NOS1: variants seen among roughly 807,000 people sequenced by gnomAD.
NOS1 encodes nitric oxide synthase 1, also known as NOS type I.
NOS1 carries 51 observed loss-of-function variants against 164.5 expected under a neutral mutation model. The observed-to-expected ratio is 0.31, with a 90% confidence interval of 0.25 to 0.39. The LOEUF (loss-of-function observed/expected upper bound fraction) is 0.39, where lower values mean the gene tolerates loss of function less well. Among genes scored for constraint, NOS1 ranks in the 10% least tolerant of loss-of-function variants. The pLI is 1.00. For missense variants in NOS1, 1,362 were observed against 1,885.6 expected, an observed-to-expected ratio of 0.72 and a Z score of 5.14; for synonymous variants, 719 against 745.8, an observed-to-expected ratio of 0.96 and a Z score of 0.59.
intron 20 of NOS1, among the ~76,000 whole-genome samples, chr12:117,238,644 G>A (rs1344369977): frequency 6.6e-6 from 1 of 152,014 alleles, no homozygotes; most frequent in Non-Finnish European, 1.5e-5. Context: ...AGCTTCCTGA[G>A]TAGCTGAGAT....
intron 3 of NOS1, among the ~76,000 whole-genome samples, chr12:117,301,409 A>C (rs1873806207): frequency 6.6e-6 from 1 of 152,188 alleles, no homozygotes. Flanking sequence ...GATTACAGGC[A>C]TGAGCTACAC....
At chr12:117,224,983 T>C (rs1227920178) in intron 25 of NOS1, 33 bp downstream of exon 25, 3 of 1,613,636 alleles carry the variant, frequency 1.9e-6, no homozygotes, top group African/African-American at 1.3e-5. Context: ...GGTCCGGGGG[T>C]GGGAACCAAG....
chr12:117,264,089 G>C, intron 12 of NOS1, 115 bp from the exon 13 acceptor site: 1 of 613,882 alleles, frequency 1.6e-6, no homozygotes, highest in South Asian at 1.9e-5. Flanking sequence ...GGCCTCTGAA[G>C]GGAAGAATTC....
chr12:117,256,385 T>A, intron 16 of NOS1, among the ~76,000 whole-genome samples: 1 of 149,332 alleles, frequency 6.7e-6, no homozygotes, highest in Non-Finnish European at 1.5e-5. Flanking sequence ...CTCAAGTGAT[T>A]CTCCTGCCTC....
chr12:117,334,510 C>T (rs1335543049), intron 1 of NOS1, among the ~76,000 whole-genome samples: 1 of 152,150 alleles, frequency 6.6e-6, no homozygotes, highest in Non-Finnish European at 1.5e-5. Flanking sequence ...AATTCTCTAG[C>T]CTCAGCCTCC....
intron 2 of NOS1, among the ~76,000 whole-genome samples, chr12:117,312,923 C>A (rs1874504826): frequency 6.6e-6 from 1 of 152,160 alleles, no homozygotes; most frequent in Non-Finnish European, 1.5e-5. Context: ...CCACAATCAT[C>A]ACCATAGCCA....
chr12:117,239,638 G>A (rs1382920396), intron 20 of NOS1, among the ~76,000 whole-genome samples: 2 of 152,078 alleles, frequency 1.3e-5, no homozygotes, highest in African/African-American at 4.8e-5. Context: ...GGGCCAGACA[G>A]CCCAACTTCA....
At chr12:117,309,398 CTCA>C in intron 3 of NOS1, 1 of 985,322 alleles carries the variant, frequency 1.0e-6, no homozygotes, top group Non-Finnish European at 1.2e-6. Context: ...TCTAGAATGT[CTCA>C]TCCTCCCCGC....
At chr12:117,241,798 C>T (rs375564853) in intron 20 of NOS1, among the ~76,000 whole-genome samples, 3 of 152,200 alleles carry the variant, frequency 2.0e-5, no homozygotes, top group South Asian at 4.1e-4. Flanking sequence ...AGCATTAGCG[C>T]GTCCTGTTCA....
In NOS1 at chr12:117,214,878, A is replaced by C; in HGVS notation, c.*431T>G. ...ACACACACACACACAGGCACGCACA[A>C]CCAAAATGTCATCATAAAAAAGGAG... On this transcript the variant is annotated 3_prime_UTR_variant, in exon 29 of 29. Coordinates refer to ENST00000317775, the MANE Select transcript of NOS1 (RefSeq NM_000620.5). 1 of 973,402 alleles carries C rather than the reference A, an allele frequency of 1.0e-6. No homozygotes were observed. The allele number at this position is 973,402 out of a possible 1,614,324, so 60.3% of individuals were successfully genotyped here.
Position 117,247,366 on chromosome 12 carries a change from C to G in NOS1, c.2805G>C (p.Trp935Cys). 6.2e-7 allele frequency: 1 copy of G among 1,603,164 alleles called. No homozygotes were observed. The highest frequency in any genetic ancestry group is 8.5e-7 in the Non-Finnish European group (1 of 1,175,588). ...LCGQEEAFRT[W>C]AKKVFKAACD... is the part of the protein sequence containing the mutation. ...AGATTACCTTGAAGACCTTCTTGGCCCAGGTCCTGAAAGCCTCTTCCTGCC... is the reference window on the plus strand; with the variant it reads ...AGATTACCTTGAAGACCTTCTTGGCGCAGGTCCTGAAAGCCTCTTCCTGCC... Residue 935 changes from tryptophan to cysteine, a missense_variant, in exon 18 of 29, where the codon TGG (tryptophan) becomes TGC (cysteine). Coordinates refer to ENST00000317775, the MANE Select transcript of NOS1 (RefSeq NM_000620.5).
intron 1 of NOS1, among the ~76,000 whole-genome samples, chr12:117,331,938 C>T (rs1217138180): frequency 6.6e-6 from 1 of 152,164 alleles, no homozygotes; most frequent in Admixed American, 6.5e-5. Flanking sequence ...TCCAGCCACT[C>T]CCAAAGCCCA....
chr12:117,213,968 G>A lies in NOS1; in HGVS notation c.*1341C>T. The A allele has an allele frequency of 4.1e-6, 4 of 985,380 alleles. No individual in the cohort carries two copies. Among genetic ancestry groups the A allele is most frequent in the African/African-American group, 1.7e-5 (1 of 57,330 alleles). The allele number at this position is 985,380 out of a possible 1,614,324, so 61.0% of individuals were successfully genotyped here. A position where few individuals can be genotyped will look rare whatever the true frequency, so the allele number is the denominator to read the frequency against. ...ACTTGGCTGCCCATTTTTGATCTGA[G>A]TTGAGGGTAACTTATTTGTCAAAAT... On this transcript the variant is annotated 3_prime_UTR_variant, in exon 29 of 29. Transcript: ENST00000317775.
intron 7 of NOS1, among the ~76,000 whole-genome samples, chr12:117,281,186 C>T (rs1485097721): frequency 6.6e-6 from 1 of 152,146 alleles, no homozygotes; most frequent in African/African-American, 2.4e-5. Context: ...TCTTTTGCAG[C>T]CAGTCATTTC....
intron 21 of NOS1, among the ~76,000 whole-genome samples, chr12:117,233,479 T>C (rs1345628693): frequency 6.6e-6 from 1 of 151,392 alleles, no homozygotes; most frequent in Non-Finnish European, 1.5e-5. Context: ...ATTACAGGCG[T>C]CAGCCACCTC....
Position 117,209,165 on chromosome 12 carries a change from G to A in NOS1, c.*6144C>T, listed in dbSNP as rs1956490484. 1 of 985,306 alleles carries A rather than the reference G, an allele frequency of 1.0e-6. No homozygotes were observed. The allele number at this position is 985,306 out of a possible 1,614,324, so 61.0% of individuals were successfully genotyped here. Reference sequence around the variant, plus strand: ...GCGTGCTCCAGGAAATCTATAATGAGAAGTCCTGGGGTAGCCAGCAGAGAT... The same window carrying A: ...GCGTGCTCCAGGAAATCTATAATGAAAAGTCCTGGGGTAGCCAGCAGAGAT... On this transcript the variant is annotated 3_prime_UTR_variant, in exon 29 of 29. Coordinates refer to ENST00000317775, the MANE Select transcript of NOS1 (RefSeq NM_000620.5).
At chr12:117,228,749 T>A (rs952323895) in intron 22 of NOS1, among the ~76,000 whole-genome samples, 8 of 152,204 alleles carry the variant, frequency 5.3e-5, no homozygotes, top group Non-Finnish European at 1.2e-4. Context: ...AAGACTGTCC[T>A]GGCCTTATTT....
chr12:117,209,667 C>T lies in NOS1; in HGVS notation c.*5642G>A. On this transcript the variant is annotated 3_prime_UTR_variant, in exon 29 of 29. Coordinates refer to ENST00000317775, the MANE Select transcript of NOS1 (RefSeq NM_000620.5). ...TTGACAGCTGACCACCTCCCTCGCACATGGCTTTGATAAGTATTAATAGGA... is the reference window on the plus strand; with the variant it reads ...TTGACAGCTGACCACCTCCCTCGCATATGGCTTTGATAAGTATTAATAGGA... 1 of 985,514 alleles carries T rather than the reference C, an allele frequency of 1.0e-6. No homozygotes were observed. The highest frequency in any genetic ancestry group is 1.2e-6 in the Non-Finnish European group (1 of 829,958). 61.0% of individuals were successfully genotyped at this position (985,514 alleles called of 1,614,324 possible).
intron 2 of NOS1, among the ~76,000 whole-genome samples, chr12:117,326,447 T>G (rs1260001832): frequency 1.3e-5 from 2 of 150,740 alleles, no homozygotes; most frequent in East Asian, 3.9e-4. Context: ...GTGCTTTGAG[T>G]CCAAGCCATT....
Sources: gnomAD v4.1 joint callset for allele counts (sites outside exome capture counted in the v4.1 genomes callset) on GRCh38, gnomAD v4.1.1 for gene constraint, MANE v1.5 for transcripts, NCBI Gene and HGNC (gene_info 2026-07-23, HGNC 2026-07-21) for gene names.